Variants in EXT2 observed in about 807,000 individuals in gnomAD.
EXT2 encodes the protein exostosin glycosyltransferase 2.
In EXT2, 53 loss-of-function variants were observed where a neutral mutation model predicts 81.6. The observed-to-expected ratio is 0.65, with a 90% CI of 0.52 to 0.82. The LOEUF (loss-of-function observed/expected upper bound fraction) is 0.82. EXT2 is among the 40% of genes least tolerant of loss of function. EXT2 has a pLI of 0.00. For synonymous variants in EXT2, 320 were observed against 340.0 expected (o/e 0.94, Z 0.65); for missense variants, 774 against 910.2 (o/e 0.85, Z 1.93).
rs375300731 is a variant in EXT2 at position 44,107,730 on chromosome 11, G to A, written c.18G>A (p.Lys6=). 1 of 1,614,234 alleles carries A rather than the reference G, an allele frequency of 6.2e-7. No homozygotes were observed. Residue 6 remains lysine (K), a synonymous_variant, in exon 2 of 14, where the codon AAG becomes AAA. Transcript: ENST00000533608. Reference sequence around the variant, plus strand: ...GTGTCATTATGTGTGCGTCGGTCAAGTATAATATCCGGGGTCCTGCCCTCA... The same window carrying A: ...GTGTCATTATGTGTGCGTCGGTCAAATATAATATCCGGGGTCCTGCCCTCA... The part of the protein sequence containing the change: MCASV[K]YNIRGPALIP...
intron 8 of EXT2, among the ~76,000 whole-genome samples, chr11:44,183,687 A>G (rs541400683): frequency 5.8e-4 from 88 of 150,986 alleles, no homozygotes; most frequent in African/African-American, 2.0e-3. Context: ...TTTCACATCT[A>G]TTTTCCTATT....
chr11:44,162,293 C>G (rs997643982), intron 7 of EXT2, among the ~76,000 whole-genome samples: 2 of 152,010 alleles, frequency 1.3e-5, no homozygotes, highest in African/African-American at 2.4e-5. Flanking sequence ...AAGCAATTAC[C>G]AGCTGGGCTC....
At chr11:44,096,412 C>CG in intron 1 of EXT2, 1 of 1,323,246 alleles carries the variant, frequency 7.6e-7, no homozygotes. Context: ...ACTAGATGGC[C>CG]GGGGGCGTGT....
Position 44,244,290 on chromosome 11 carries a change from C to T in EXT2, c.*3C>T, listed in dbSNP as rs542907948. On this transcript the variant is annotated 3_prime_UTR_variant, in exon 14 of 14. Coordinates refer to ENST00000533608, the MANE Select transcript of EXT2 (RefSeq NM_207122.2). ...TCCCCAACATTGGCAGCTTATGAAA[C>T]GTGTCATTGGTGGAGGTCTGAATGT... 6.0e-5 allele frequency: 97 copies of T among 1,613,986 alleles called. No homozygotes were observed. In the South Asian group the frequency reaches 7.8e-4, roughly 13 times the overall value.
chr11:44,145,601 C>T (rs937141317), intron 7 of EXT2, among the ~76,000 whole-genome samples: 1 of 152,050 alleles, frequency 6.6e-6, no homozygotes, highest in Non-Finnish European at 1.5e-5. Flanking sequence ...TGGGAGCTTC[C>T]TCATGAAAAC....
At chr11:44,149,362 A>C (rs1383287435) in intron 7 of EXT2, among the ~76,000 whole-genome samples, 1 of 152,176 alleles carries the variant, frequency 6.6e-6, no homozygotes, top group Non-Finnish European at 1.5e-5. Context: ...ACTCTGTCTT[A>C]AAAACAGTTG....
intron 7 of EXT2, among the ~76,000 whole-genome samples, chr11:44,158,215 A>C (rs992060455): frequency 6.6e-6 from 1 of 152,238 alleles, no homozygotes; most frequent in Non-Finnish European, 1.5e-5. Context: ...CTGTACCAGC[A>C]GCTGGTGTAT....
chr11:44,189,585 C>T (rs1455639425), intron 8 of EXT2, among the ~76,000 whole-genome samples: 3 of 152,080 alleles, frequency 2.0e-5, no homozygotes, highest in African/African-American at 7.2e-5. Flanking sequence ...GGAGGTACTA[C>T]ACACTTCTAA....
At chr11:44,102,904 G>GT (rs1954006588) in intron 1 of EXT2, among the ~76,000 whole-genome samples, 1 of 151,658 alleles carries the variant, frequency 6.6e-6, no homozygotes, top group Non-Finnish European at 1.5e-5. Flanking sequence ...CTTTTTGTTT[G>GT]TTTTTTTCTT....
intron 10 of EXT2, among the ~76,000 whole-genome samples, chr11:44,224,898 A>G (rs562686741): frequency 1.3e-5 from 2 of 152,304 alleles, no homozygotes; most frequent in East Asian, 3.9e-4. Flanking sequence ...GCCCAATAAT[A>G]GTTGTTTATA....
chr11:44,188,396 G>A (rs531845807), intron 8 of EXT2, among the ~76,000 whole-genome samples: 3 of 152,092 alleles, frequency 2.0e-5, no homozygotes, highest in Non-Finnish European at 4.4e-5. Flanking sequence ...GAGTAAAGAA[G>A]GAGTAAACCT....
rs139104214 is a variant in EXT2, at chr11:44,237,739, A to G, written c.2018+1364A>G. Among the ~76,000 whole-genome samples, 958 of 152,104 alleles carry G rather than the reference A, an allele frequency of 6.3e-3. 9 individuals are homozygous for G. Among genetic ancestry groups the G allele is most frequent in the African/African-American group, 0.021 (877 of 41,470 alleles). On this transcript the variant is annotated intron_variant, in intron 13 of 13. Coordinates refer to ENST00000533608, the MANE Select transcript of EXT2 (RefSeq NM_207122.2). ...GAGGCTAAACAACTCCTCTAGCACT[A>G]CTGAGATCTTAACAAATGTAAAGAG...
At chr11:44,117,184 G>A (rs1003944887) in intron 4 of EXT2, among the ~76,000 whole-genome samples, 3 of 152,032 alleles carry the variant, frequency 2.0e-5, no homozygotes, top group African/African-American at 4.8e-5. Context: ...TGTCAGGCTG[G>A]TTTCAAACTC....
chr11:44,133,830 A>G (rs1954527974), intron 7 of EXT2, among the ~76,000 whole-genome samples: 1 of 152,222 alleles, frequency 6.6e-6, no homozygotes, highest in South Asian at 2.1e-4. Flanking sequence ...AGAGTTTAGG[A>G]TCAGAAAGGC....
Position 44,248,100 on chromosome 11 carries a change from G to A in EXT2, c.*3813G>A, listed in dbSNP as rs1005712142. On this transcript the variant is annotated 3_prime_UTR_variant, in exon 14 of 14. Coordinates refer to ENST00000533608, the MANE Select transcript of EXT2 (RefSeq NM_207122.2). ...AGACTTCCCATCAGCCACCCATCAT[G>A]AGCCTGGTGTGTTTCCTTTGCTTTG... 3.3e-5 allele frequency among the ~76,000 whole-genome samples: 5 copies of A among 152,182 alleles called. No homozygotes were observed. Among genetic ancestry groups the A allele is most frequent in the Non-Finnish European group, 4.4e-5 (3 of 68,032 alleles).
At chr11:44,119,147 T>TATATATATATATATAC (rs1954272493) in intron 4 of EXT2, among the ~76,000 whole-genome samples, 1 of 49,398 alleles carries the variant, frequency 2.0e-5, no homozygotes, top group Non-Finnish European at 4.5e-5. Flanking sequence ...TATATATATA[T>TATATATATATATATAC]ATATATATAT....
intron 8 of EXT2, among the ~76,000 whole-genome samples, chr11:44,173,372 T>C (rs953946987): frequency 2.0e-5 from 3 of 152,208 alleles, no homozygotes; most frequent in African/African-American, 7.2e-5. Context: ...TATGGGATTA[T>C]ACTAAACATG....
intron 1 of EXT2, chr11:44,104,611 C>T (rs1380008390): frequency 6.6e-6 from 1 of 152,210 alleles, no homozygotes; most frequent in African/African-American, 2.4e-5. Flanking sequence ...GCTTCTTACC[C>T]TTCAGGTGTT....
intron 10 of EXT2, among the ~76,000 whole-genome samples, chr11:44,229,259 C>A (rs1955871212): frequency 6.6e-6 from 1 of 152,124 alleles, no homozygotes; most frequent in African/African-American, 2.4e-5. Flanking sequence ...CTGCTCTGGG[C>A]TCTATAAAAC....
Sources: gnomAD v4.1 joint callset for allele counts (sites outside exome capture counted in the v4.1 genomes callset) on GRCh38, gnomAD v4.1.1 for gene constraint, MANE v1.5 for transcripts, NCBI Gene and HGNC (gene_info 2026-07-23, HGNC 2026-07-21) for gene names.